DCLK1: variants seen among roughly 807,000 people sequenced by gnomAD.
DCLK1 encodes serine/threonine-protein kinase DCLK1.
DCLK1 carries 16 observed loss-of-function variants against 86.2 expected under a neutral mutation model. That is an observed-to-expected ratio of 0.19 (90% CI 0.13 to 0.28). The LOEUF is 0.28. DCLK1 is among the 10% of genes least tolerant of loss of function. The probability of loss-of-function intolerance (pLI) is 1.00; values close to 1 mark genes in which losing one functional copy is unlikely to be tolerated. For missense variants in DCLK1, 590 were observed against 940.2 expected (o/e 0.63, Z 4.87); for synonymous variants, 369 against 370.5 (o/e 1.00, Z 0.05).
intron 15 of DCLK1, chr13:35,805,490 G>T (rs1193389831): frequency 6.4e-6 from 3 of 469,636 alleles, no homozygotes; most frequent in Non-Finnish European, 1.1e-5. Flanking sequence ...GTAGAGATGG[G>T]GTTTTGCCAT....
At chr13:35,828,576 C>T (rs1219605767) in intron 8 of DCLK1, among the ~76,000 whole-genome samples, 1 of 152,204 alleles carries the variant, frequency 6.6e-6, no homozygotes, top group Non-Finnish European at 1.5e-5. Flanking sequence ...AGCACTGGCA[C>T]TTTGTTCCTC....
intron 3 of DCLK1, among the ~76,000 whole-genome samples, chr13:36,102,468 A>G (rs1257035546): frequency 6.6e-6 from 1 of 152,208 alleles, no homozygotes; most frequent in Non-Finnish European, 1.5e-5. Context: ...ACAGAAATCA[A>G]CAAAGCACTA....
intron 3 of DCLK1, among the ~76,000 whole-genome samples, chr13:36,109,456 T>G (rs1324071245): frequency 6.6e-6 from 1 of 152,230 alleles, no homozygotes. Flanking sequence ...CGTAGCTGTG[T>G]GGTCTTGTGC....
intron 6 of DCLK1, chr13:35,847,291 C>G: frequency 2.0e-6 from 2 of 985,182 alleles, no homozygotes; most frequent in South Asian, 4.7e-5. Context: ...CATGCCCCAA[C>G]TAATATGTCA....
At chr13:35,811,268 T>A (rs2087135679) in intron 11 of DCLK1, among the ~76,000 whole-genome samples, 2 of 152,094 alleles carry the variant, frequency 1.3e-5, no homozygotes, top group Non-Finnish European at 2.9e-5. Flanking sequence ...TGAATTATGT[T>A]TGGGAAATGA....
At chr13:36,054,843 G>A (rs1436383624) in intron 3 of DCLK1, among the ~76,000 whole-genome samples, 4 of 152,114 alleles carry the variant, frequency 2.6e-5, no homozygotes, top group Non-Finnish European at 4.4e-5. Flanking sequence ...CTAACAAGCT[G>A]GGGACTTGTT....
At chr13:36,073,763 C>T (rs1269584186) in intron 3 of DCLK1, among the ~76,000 whole-genome samples, 1 of 152,156 alleles carries the variant, frequency 6.6e-6, no homozygotes, top group Non-Finnish European at 1.5e-5. Flanking sequence ...AAATGAGGAC[C>T]TTGCTACCTA....
intron 11 of DCLK1, among the ~76,000 whole-genome samples, chr13:35,812,243 T>C (rs1422509330): frequency 1.3e-5 from 2 of 152,194 alleles, no homozygotes; most frequent in Non-Finnish European, 2.9e-5. Flanking sequence ...GAATCCTAAT[T>C]GAGTCCCCTC....
intron 6 of DCLK1, among the ~76,000 whole-genome samples, chr13:35,841,455 AC>A (rs1652504983): frequency 6.6e-6 from 1 of 152,062 alleles, no homozygotes; most frequent in Non-Finnish European, 1.5e-5. Context: ...AATGCTTGTC[AC>A]AATGCCAGCT....
At chr13:35,981,650 T>C (rs1370164485) in intron 3 of DCLK1, among the ~76,000 whole-genome samples, 2 of 152,232 alleles carry the variant, frequency 1.3e-5, no homozygotes, top group East Asian at 1.9e-4. Context: ...TGAATAATCA[T>C]CCATTGTATT....
intron 3 of DCLK1, among the ~76,000 whole-genome samples, chr13:36,059,449 T>G (rs1883457313): frequency 6.6e-6 from 1 of 152,172 alleles, no homozygotes; most frequent in Admixed American, 6.5e-5. Context: ...TATGAAATCA[T>G]CACAGTGGGC....
At chr13:36,049,237 T>C (rs566132917) in intron 3 of DCLK1, among the ~76,000 whole-genome samples, 1 of 152,298 alleles carries the variant, frequency 6.6e-6, no homozygotes, top group Non-Finnish European at 1.5e-5. Context: ...TGTTTAGTAC[T>C]GCACCTGACC....
intron 11 of DCLK1, among the ~76,000 whole-genome samples, chr13:35,811,373 C>T (rs1008167092): frequency 3.3e-5 from 5 of 150,980 alleles, no homozygotes; most frequent in African/African-American, 7.3e-5. Context: ...AACACAGTGC[C>T]GATGTATCTG....
chr13:36,081,187 G>A (rs535108916), intron 3 of DCLK1, among the ~76,000 whole-genome samples: 1 of 152,112 alleles, frequency 6.6e-6, no homozygotes, highest in South Asian at 2.1e-4. Flanking sequence ...AAAAAAATTA[G>A]AATTAAATAA....
chr13:35,919,022 C>T lies in DCLK1; in HGVS notation c.823+28336G>A, dbSNP rs144596131. Among the ~76,000 whole-genome samples the T allele has an allele frequency of 3.0e-3, 445 of 150,756 alleles. 3 individuals are homozygous for T. Among genetic ancestry groups the T allele is most frequent in the African/African-American group, 0.01 (431 of 41,160 alleles). On this transcript the variant is annotated intron_variant, in intron 4 of 16. Coordinates refer to ENST00000360631, the MANE Select transcript of DCLK1 (RefSeq NM_001330071.2). ...GTTCAAGCAATTCTCCTGCCTCAGC[C>T]TTCTGGGTAGCTGTGGTTACAGGCA...
chr13:36,044,728 C>T (rs9546229), intron 3 of DCLK1, among the ~76,000 whole-genome samples: 7,167 of 152,078 alleles, frequency 0.047, 175 homozygotes, highest in Middle Eastern at 0.092. Context: ...GATATGGATG[C>T]AGGAGGGTGA....
At chr13:35,973,638 T>G (rs1461340205) in intron 3 of DCLK1, among the ~76,000 whole-genome samples, 1 of 152,126 alleles carries the variant, frequency 6.6e-6, no homozygotes, top group Non-Finnish European at 1.5e-5. Flanking sequence ...AATAAATGAA[T>G]GAATGACAAA....
intron 4 of DCLK1, among the ~76,000 whole-genome samples, chr13:35,931,854 GAT>G (rs1336084583): frequency 1.3e-5 from 2 of 152,228 alleles, no homozygotes; most frequent in Non-Finnish European, 1.5e-5. Flanking sequence ...TGTACTGTGG[GAT>G]ATATGTTTTA....
chr13:36,008,218 A>G (rs1224207224), intron 3 of DCLK1, among the ~76,000 whole-genome samples: 1 of 4,512 alleles, frequency 2.2e-4, no homozygotes, highest in African/African-American at 6.6e-4. Flanking sequence ...TATTATTATT[A>G]TTATTATTAT....
Sources: allele counts gnomAD v4.1 joint callset (sites outside exome capture counted in the v4.1 genomes callset), GRCh38; gene constraint gnomAD v4.1.1; transcripts MANE v1.5; gene names NCBI Gene and HGNC (gene_info 2026-07-23, HGNC 2026-07-21).